The following LYRM4 variants were observed in gnomAD, a reference collection of about 807,000 sequenced individuals.
LYRM4 encodes the protein LYR motif-containing protein 4.
In LYRM4, 9 loss-of-function variants were observed where a neutral mutation model predicts 11.7. That is an observed-to-expected ratio of 0.77 (90% CI 0.46 to 1.34). The LOEUF is 1.34. LYRM4 is among the 40% of genes most tolerant of loss of function. LYRM4 has a pLI of 0.00. For missense variants in LYRM4, 133 were observed against 112.5 expected (o/e 1.18, Z -0.82); for synonymous variants, 42 against 40.4 (o/e 1.04, Z -0.15).
intron 2 of LYRM4, among the ~76,000 whole-genome samples, chr6:5,121,989 T>A (rs1340470670): frequency 1.3e-5 from 2 of 152,242 alleles, no homozygotes; most frequent in East Asian, 3.8e-4. Context: ...GCAATCAGGC[T>A]GCCTGTTGTT....
intron 2 of LYRM4, among the ~76,000 whole-genome samples, chr6:5,161,778 T>C (rs982562287): frequency 6.6e-6 from 1 of 152,192 alleles, no homozygotes; most frequent in Admixed American, 6.5e-5. Context: ...GAACTCCTGA[T>C]CAGTGTAGTA....
the LYRM4 span, among the ~76,000 whole-genome samples, chr6:5,091,931 A>G: frequency 1.3e-5 from 2 of 152,290 alleles, no homozygotes; most frequent in East Asian, 3.9e-4. Flanking sequence ...TCCCATTCCC[A>G]TCGTTGTCAC....
chr6:5,182,627 A>C (rs1001276289), intron 2 of LYRM4, among the ~76,000 whole-genome samples: 1 of 152,266 alleles, frequency 6.6e-6, no homozygotes, highest in Non-Finnish European at 1.5e-5. Context: ...AGAGTGGTTT[A>C]GAACAATGAC....
intron 2 of LYRM4, among the ~76,000 whole-genome samples, chr6:5,164,768 G>C (rs548893127): frequency 2.0e-4 from 31 of 152,226 alleles, no homozygotes; most frequent in Admixed American, 1.2e-3. Flanking sequence ...AGGAGTTTGA[G>C]ACCAGCCTGG....
At chr6:5,099,266 G>A (rs1762426849), downstream of LYRM4, among the ~76,000 whole-genome samples, 1 of 150,976 alleles carries the variant, frequency 6.6e-6, no homozygotes, top group Non-Finnish European at 1.5e-5. This position sits in a 1 kb window ranked among gnomAD's most constrained non-coding sequence, Gnocchi z 4.3. Flanking sequence ...GCAGAGGCAT[G>A]ATCTCGGCTC....
the LYRM4 span, among the ~76,000 whole-genome samples, chr6:5,052,817 T>C: frequency 6.6e-6 from 1 of 152,222 alleles, no homozygotes; most frequent in Non-Finnish European, 1.5e-5. Context: ...AAGGAGCCCC[T>C]TTTTCTACCT....
intron 2 of LYRM4, among the ~76,000 whole-genome samples, chr6:5,180,035 A>T (rs1260390778): frequency 6.6e-6 from 1 of 152,242 alleles, no homozygotes; most frequent in Admixed American, 6.5e-5. Flanking sequence ...TCTTAGGCAG[A>T]AACAAGGCTA....
chr6:5,096,069 C>T, the LYRM4 span, among the ~76,000 whole-genome samples: 3 of 152,134 alleles, frequency 2.0e-5, no homozygotes, highest in African/African-American at 7.2e-5. Context: ...ACTATGATTA[C>T]GGAAGACATT....
intron 1 of LYRM4, among the ~76,000 whole-genome samples, chr6:5,253,637 G>C (rs1327977432): frequency 6.6e-6 from 1 of 152,128 alleles, no homozygotes; most frequent in Non-Finnish European, 1.5e-5. Flanking sequence ...AAGGAGACGA[G>C]AGCCTTGAAG....
chr6:5,124,492 G>A (rs1763612374), intron 2 of LYRM4, among the ~76,000 whole-genome samples: 2 of 152,048 alleles, frequency 1.3e-5, no homozygotes, highest in Admixed American at 6.5e-5. Flanking sequence ...TTCCATTTCC[G>A]CCTTTTGCCT....
At chr6:5,252,222 T>C (rs1243702993) in intron 1 of LYRM4, among the ~76,000 whole-genome samples, 4 of 152,202 alleles carry the variant, frequency 2.6e-5, no homozygotes, top group Non-Finnish European at 5.9e-5. Flanking sequence ...ATTCACAGGA[T>C]GCATGGGTGC....
chr6:5,044,224 G>A, the LYRM4 span, among the ~76,000 whole-genome samples: 1 of 152,110 alleles, frequency 6.6e-6, no homozygotes, highest in Non-Finnish European at 1.5e-5. Flanking sequence ...TGCCTCCTGG[G>A]TTCACCTGTG....
chr6:5,063,897 G>T, the LYRM4 span, among the ~76,000 whole-genome samples: 2 of 152,174 alleles, frequency 1.3e-5, no homozygotes, highest in African/African-American at 4.8e-5. Context: ...CTGGTCCCAG[G>T]AACTGTCTGG....
the LYRM4 span, among the ~76,000 whole-genome samples, chr6:5,056,905 A>G: frequency 9.2e-5 from 14 of 152,210 alleles, no homozygotes; most frequent in African/African-American, 1.2e-4. Context: ...CTCAAAACTC[A>G]ATCATCCTAG....
At chr6:5,094,882 TAC>T in the LYRM4 span, among the ~76,000 whole-genome samples, 2 of 152,160 alleles carry the variant, frequency 1.3e-5, no homozygotes, top group Non-Finnish European at 2.9e-5. Context: ...GGTACAAATA[TAC>T]AGTTAGATAG....
At chr6:5,135,981 C>T (rs929764650) in intron 2 of LYRM4, among the ~76,000 whole-genome samples, 5 of 152,144 alleles carry the variant, frequency 3.3e-5, no homozygotes, top group Non-Finnish European at 7.4e-5. Flanking sequence ...CTCTAGGGAC[C>T]GCCGTAAGTG....
intron 2 of LYRM4, among the ~76,000 whole-genome samples, chr6:5,137,120 C>T (rs184151753): frequency 2.0e-5 from 3 of 152,252 alleles, no homozygotes; most frequent in East Asian, 1.9e-4. Context: ...GCTTCTTTCC[C>T]GTAGCATAAT....
chr6:5,082,582 A>G, the LYRM4 span, among the ~76,000 whole-genome samples: 1 of 152,270 alleles, frequency 6.6e-6, no homozygotes, highest in South Asian at 2.1e-4. Context: ...CACAACCATC[A>G]TCTCTTAAGT....
chr6:5,172,249 C>T (rs1307681634), intron 2 of LYRM4, among the ~76,000 whole-genome samples: 1 of 152,188 alleles, frequency 6.6e-6, no homozygotes, highest in Non-Finnish European at 1.5e-5. Flanking sequence ...TGTGTTCCAA[C>T]ATGCTGGGAA....
Sources: allele counts gnomAD v4.1 joint callset (sites outside exome capture counted in the v4.1 genomes callset), GRCh38; gene constraint gnomAD v4.1.1; non-coding constraint Gnocchi (gnomAD v3.1); transcripts MANE v1.5; gene names NCBI Gene and HGNC (gene_info 2026-07-23, HGNC 2026-07-21).